KDELR1: variants seen among roughly 807,000 people sequenced by gnomAD.
KDELR1 encodes the protein ER lumen protein-retaining receptor 1.
KDELR1 carries 16 observed loss-of-function variants against 25.5 expected under a neutral mutation model. The ratio of observed to expected loss-of-function variants is 0.63; its 90% CI spans 0.43 to 0.95. The LOEUF is 0.95. KDELR1 is among the 40% of genes least tolerant of loss of function. The pLI is 0.00. For synonymous variants in KDELR1, 121 were observed against 115.0 expected (o/e 1.05, Z -0.33); for missense variants, 159 against 265.2 (o/e 0.60, Z 2.78).
At chr19:48,391,065 T>C (rs1899196907) in intron 1 of KDELR1, among the ~76,000 whole-genome samples, 2 of 152,004 alleles carry the variant, frequency 1.3e-5, no homozygotes, top group Admixed American at 1.3e-4. Context: ...CTAAAGCCAT[T>C]CACATGAAAC....
chr19:48,390,661 G>T, intron 1 of KDELR1, 137 bp from the exon 2 acceptor site: 1 of 637,232 alleles, frequency 1.6e-6, no homozygotes, highest in Non-Finnish European at 2.7e-6. Context: ...CAGGGCGCCC[G>T]GGACCAGCCT....
Position 48,382,944 on chromosome 19 carries a change from G to A in KDELR1, c.*349C>T. ...TCTGGGAGGGAGCCGAGGGGCCTGG[G>A]GAAGGGAAAAGATCTTGGACCCTGC... On this transcript the variant is annotated 3_prime_UTR_variant, in exon 5 of 5. Coordinates refer to ENST00000330720, the MANE Select transcript of KDELR1 (RefSeq NM_006801.3). 4.0e-6 allele frequency: 1 copy of A among 250,716 alleles called. No homozygotes were observed. The highest frequency in any genetic ancestry group is 5.2e-5 in the Admixed American group (1 of 19,234). The allele number at this position is 250,716 out of a possible 1,614,324, so 15.5% of individuals were successfully genotyped here.
rs927320039 is a variant in KDELR1 at position 48,390,630 on chromosome 19, T to C, written c.92-106A>G. On this transcript the variant is annotated intron_variant, in intron 1 of 4. Transcript: ENST00000330720. ...AGGAGAGAGGAAGCTGGGGGTGGGC[T>C]GCATGGGCAATAAACTAAGGCAGGG... The C allele has an allele frequency of 7.4e-6, 6 of 814,422 alleles. No individual in the cohort carries two copies. In the African/African-American group the frequency reaches 1.0e-4, roughly 14 times the overall value. 50.4% of individuals were successfully genotyped at this position (814,422 alleles called of 1,614,324 possible).
upstream of KDELR1, among the ~76,000 whole-genome samples, chr19:48,394,085 C>CCAGG: frequency 6.6e-6 from 1 of 152,182 alleles, no homozygotes; most frequent in East Asian, 1.9e-4. This position sits in a 1 kb window ranked among gnomAD's most constrained non-coding sequence, Gnocchi z 5.1. Context: ...CTGCGTCCGG[C>CCAGG]CAGGCGTCTG....
upstream of KDELR1, among the ~76,000 whole-genome samples, chr19:48,396,396 G>T (rs1970640584): frequency 6.6e-6 from 1 of 152,106 alleles, no homozygotes; most frequent in Admixed American, 6.5e-5. Flanking sequence ...CCTCAGTAGG[G>T]AGTGGGACGC....
chr19:48,385,765 C>T (rs2134900), intron 3 of KDELR1, among the ~76,000 whole-genome samples: 22 of 152,330 alleles, frequency 1.4e-4, no homozygotes, highest in African/African-American at 5.3e-4. Context: ...TTCATAACAA[C>T]TCATGCTTTT....
intron 1 of KDELR1, 33 bp from the exon 2 acceptor site, chr19:48,390,557 G>GAGAC (rs748400742): frequency 4.6e-6 from 6 of 1,316,424 alleles, no homozygotes; most frequent in Non-Finnish European, 6.5e-6. Context: ...GAGAGAGAGA[G>GAGAC]AGAGACAGAG....
chr19:48,388,883 G>A (rs539919105), intron 3 of KDELR1, among the ~76,000 whole-genome samples: 214 of 131,948 alleles, frequency 1.6e-3, no homozygotes, highest in African/African-American at 6.0e-3. Context: ...AAGGAAGGAA[G>A]AAAGAAAGGA....
upstream of KDELR1, among the ~76,000 whole-genome samples, chr19:48,393,126 C>T (rs924769898): frequency 6.0e-5 from 9 of 151,134 alleles, no homozygotes; most frequent in South Asian, 2.1e-4. This position sits in a 1 kb window ranked among gnomAD's most constrained non-coding sequence, Gnocchi z 5.6. Context: ...GTGGCTTGTA[C>T]GGGGGAGAGT....
chr19:48,383,336 A>G lies in KDELR1; in HGVS notation c.605-9T>C. 1 of 1,551,716 alleles carries G rather than the reference A, an allele frequency of 6.4e-7. No individual in the cohort carries two copies. ...CTTCTTCCCCTTTAGGACTGTGAGG[A>G]GAGAAAACAGGGAGGGCATTACCGC... On this transcript the variant is annotated splice_polypyrimidine_tract_variant and intron_variant, in intron 4 of 4. Coordinates refer to ENST00000330720, the MANE Select transcript of KDELR1 (RefSeq NM_006801.3).
chr19:48,395,242 A>C (rs1970624036), upstream of KDELR1, among the ~76,000 whole-genome samples: 1 of 147,630 alleles, frequency 6.8e-6, no homozygotes, highest in African/African-American at 2.5e-5. Flanking sequence ...CCATCTCTCT[A>C]TCTCACCTTC....
chr19:48,387,252 T>C (rs1185874347), intron 3 of KDELR1, among the ~76,000 whole-genome samples: 1 of 151,944 alleles, frequency 6.6e-6, no homozygotes, highest in African/African-American at 2.4e-5. Flanking sequence ...GGTAACAATA[T>C]GTTTGCAAAG....
At chr19:48,386,979 G>A (rs1245566162) in intron 3 of KDELR1, among the ~76,000 whole-genome samples, 2 of 150,466 alleles carry the variant, frequency 1.3e-5, no homozygotes, top group Middle Eastern at 3.2e-3. Context: ...GCTGAGGCAC[G>A]AGAATTGCTT....
chr19:48,384,258 G>T lies in KDELR1; in HGVS notation c.576C>A (p.Cys192Ter). Residue 192 changes from cysteine (C) to a stop codon, truncating the protein, a stop_gained, in exon 4 of 5, where the codon TGC (cysteine) becomes TGA (stop). Coordinates refer to ENST00000330720, the MANE Select transcript of KDELR1 (RefSeq NM_006801.3). LOFTEE classifies it high-confidence loss of function. This position sits in a 1 kb window ranked among gnomAD's most constrained non-coding sequence, Gnocchi z 4.6. ...VAGLVQTVLYCDFFYLYITKV... is the reference protein window; with the variant it reads ...VAGLVQTVLY ...TGGTGATATAGAGGTAGAAGAAATC[G>T]CAGTAGAGGACTGTCTGGACCAGGC... The T allele has an allele frequency of 1.2e-6, 2 of 1,614,176 alleles. No individual in the cohort carries two copies. Among genetic ancestry groups the T allele is most frequent in the Non-Finnish European group, 1.7e-6 (2 of 1,180,028 alleles).
At position 48,390,628 on chromosome 19, in the gene KDELR1, G is replaced by T. The variant is rs1220729774; in HGVS notation, c.92-104C>A. The T allele has an allele frequency of 6.1e-6, 5 of 817,822 alleles. 1 individual carries two copies. Among genetic ancestry groups the T allele is most frequent in the East Asian group, 5.4e-5 (2 of 37,278 alleles). The allele number at this position is 817,822 out of a possible 1,614,324, so 50.7% of individuals were successfully genotyped here. On this transcript the variant is annotated intron_variant, in intron 1 of 4. Transcript: ENST00000330720. ...GAAGGAGAGAGGAAGCTGGGGGTGG[G>T]CTGCATGGGCAATAAACTAAGGCAG...
At chr19:48,385,357 C>T (rs1970487181) in intron 3 of KDELR1, among the ~76,000 whole-genome samples, 1 of 152,208 alleles carries the variant, frequency 6.6e-6, no homozygotes, top group Non-Finnish European at 1.5e-5. Flanking sequence ...GTCACATCAC[C>T]CCATCTTATC....
In KDELR1 at chr19:48,391,490, G is replaced by T; in HGVS notation, c.-132C>A. On this transcript the variant is annotated 5_prime_UTR_variant, in exon 1 of 5. Transcript: ENST00000330720. The stretch of plus-strand genomic sequence containing the variant: ...GGGACCCTAGGTGCGCTCCGCTCCG[G>T]GGAGGGGACTTTGGGAGGGGGAGCA... 1.5e-6 allele frequency: 1 copy of T among 681,970 alleles called. No homozygotes were observed. Among genetic ancestry groups the T allele is most frequent in the Non-Finnish European group, 2.5e-6 (1 of 396,048 alleles). 42.2% of individuals were successfully genotyped at this position (681,970 alleles called of 1,614,324 possible). A position where few individuals can be genotyped will look rare whatever the true frequency, so the allele number is the denominator to read the frequency against.
intron 4 of KDELR1, 108 bp from the exon 5 acceptor site, chr19:48,383,435 G>A: frequency 2.1e-6 from 2 of 935,262 alleles, no homozygotes; most frequent in Non-Finnish European, 3.4e-6. Context: ...CAGATCCACA[G>A]GGAGGGAGGT....
upstream of KDELR1, among the ~76,000 whole-genome samples, chr19:48,394,700 C>A (rs943946315): frequency 1.3e-5 from 2 of 152,150 alleles, no homozygotes; most frequent in Non-Finnish European, 2.9e-5. This position sits in a 1 kb window ranked among gnomAD's most constrained non-coding sequence, Gnocchi z 5.1. Flanking sequence ...CAGGTGGCCG[C>A]AACCTTGGGG....
Sources: gnomAD v4.1 joint callset for allele counts (sites outside exome capture counted in the v4.1 genomes callset) on GRCh38, gnomAD v4.1.1 for gene constraint, Gnocchi (gnomAD v3.1) non-coding constraint, MANE v1.5 for transcripts, NCBI Gene and HGNC (gene_info 2026-07-23, HGNC 2026-07-21) for gene names.